RDX: variants seen among roughly 807,000 people sequenced by gnomAD.
RDX encodes the protein deafness, autosomal recessive 24.
In RDX, 32 loss-of-function variants were observed where a neutral mutation model predicts 83.7. That is an observed-to-expected ratio of 0.38 (90% confidence interval 0.29 to 0.51). The LOEUF (loss-of-function observed/expected upper bound fraction) is 0.51, where lower values mean the gene tolerates loss of function less well. RDX is among the 20% of genes least tolerant of loss of function. The probability of loss-of-function intolerance (pLI) is 0.87; values close to 1 mark genes in which losing one functional copy is unlikely to be tolerated. For synonymous variants in RDX, 229 were observed against 222.7 expected (o/e 1.03, Z -0.25); for missense variants, 600 against 689.9 (o/e 0.87, Z 1.46).
intron 10 of RDX, among the ~76,000 whole-genome samples, chr11:110,244,363 C>CA (rs71053874): frequency 0.026 from 1,336 of 51,186 alleles, 94 homozygotes; most frequent in Middle Eastern, 0.069. Context: ...GATTCTGGCT[C>CA]AAAAAAAAAA....
At chr11:110,274,645 C>A (rs536989109) in intron 2 of RDX, among the ~76,000 whole-genome samples, 1 of 128,250 alleles carries the variant, frequency 7.8e-6, no homozygotes. Context: ...TTACTACACA[C>A]TTCTCATATA....
At position 110,213,090 on chromosome 11, in the gene RDX, T is replaced by C. The variant is rs200858927; in HGVS notation, c.1749-13412A>G. Among the ~76,000 whole-genome samples the C allele has an allele frequency of 0.012, 1,746 of 151,790 alleles. 58 individuals are homozygous for C. The East Asian group carries it at 0.12, about 10-fold the overall frequency. ...ATGATTGTATATCTAGAAAACCCCA[T>C]TGTCTCAGCCCCAAATCTCCTTAAG... On this transcript the variant is annotated intron_variant, in intron 14 of 15. Coordinates refer to the RDX transcript ENST00000528498.
At position 110,264,860 on chromosome 11, in the gene RDX, A is replaced by C. The variant is rs754388726; in HGVS notation, c.111T>G (p.Val37=). 6.2e-7 allele frequency: 1 copy of C among 1,613,816 alleles called. No homozygotes were observed. Among genetic ancestry groups the C allele is most frequent in the African/African-American group, 1.3e-5 (1 of 75,036 alleles). ...KQLFDQVVKT[V]GLREVWFFGL... is the part of the protein sequence containing the mutation. ...CAAAAAACCAGACCTCACGCAAACC[A>C]ACTGTTTTCACCACCTAAAACACAA... is the stretch of plus-strand genomic sequence containing the variant. Residue 37 remains valine (V), a synonymous_variant, in exon 4 of 14, where the codon GTT becomes GTG. Transcript: ENST00000645495.
chr11:110,194,598 A>G lies in RDX; in HGVS notation c.*31+4983T>C, dbSNP rs146459214. Among the ~76,000 whole-genome samples, 1,433 of 152,330 alleles carry G rather than the reference A, an allele frequency of 9.4e-3. 30 individuals carry two copies. Among genetic ancestry groups the G allele is most frequent in the African/African-American group, 0.033 (1,363 of 41,580 alleles). ...TTATGCCAACTTCCACTTATAATCA[A>G]GGAGAGGACTGAGAAACCATAATTT... is the stretch of plus-strand genomic sequence containing the variant. On this transcript the variant is annotated intron_variant, in intron 15 of 15. Coordinates refer to the RDX transcript ENST00000528498.
chr11:110,242,012 G>A (rs1865117215), intron 10 of RDX, among the ~76,000 whole-genome samples: 1 of 152,152 alleles, frequency 6.6e-6, no homozygotes, highest in South Asian at 2.1e-4. Flanking sequence ...TGGTTGCCAG[G>A]GGTTGTGGGG....
At chr11:110,177,685 T>C (rs1364913722) in intron 15 of RDX, among the ~76,000 whole-genome samples, 1 of 152,020 alleles carries the variant, frequency 6.6e-6, no homozygotes, top group Non-Finnish European at 1.5e-5. Context: ...AGGTTTGCCA[T>C]GTTGGCCAGG....
At chr11:110,290,774 G>A (rs1301961951) in intron 1 of RDX, among the ~76,000 whole-genome samples, 1 of 152,172 alleles carries the variant, frequency 6.6e-6, no homozygotes, top group Non-Finnish European at 1.5e-5. Flanking sequence ...TGTTGTAGCA[G>A]GAAAGCAGCC....
intron 14 of RDX, among the ~76,000 whole-genome samples, chr11:110,201,648 G>A (rs79196526): frequency 2.6e-5 from 4 of 152,146 alleles, no homozygotes; most frequent in Non-Finnish European, 5.9e-5. Context: ...TTTGTGAAGC[G>A]GTAAGCCATG....
At chr11:110,198,406 TTAATTCTTC>T (rs1430506173) in intron 15 of RDX, among the ~76,000 whole-genome samples, 1 of 152,228 alleles carries the variant, frequency 6.6e-6, no homozygotes, top group Non-Finnish European at 1.5e-5. Context: ...AACCAATTCT[TTAATTCTTC>T]TGCTCCAGGA....
chr11:110,221,882 C>T lies in RDX; in HGVS notation c.1748+9991G>A, dbSNP rs548435285. Among the ~76,000 whole-genome samples the T allele has an allele frequency of 2.0e-5, 3 of 152,162 alleles. 1 individual carries two copies. The South Asian group carries it at 6.2e-4, about 32-fold the overall frequency. ...TCAATTTGAGTCCAGGACTCAACTC[C>T]CCGATTAACCACAATTTTCTTGGCA... On this transcript the variant is annotated intron_variant, in intron 14 of 15. Coordinates refer to the RDX transcript ENST00000528498.
intron 14 of RDX, among the ~76,000 whole-genome samples, chr11:110,209,762 C>A (rs879750788): frequency 2.9e-4 from 42 of 145,264 alleles, no homozygotes; most frequent in Non-Finnish European, 4.6e-4. Flanking sequence ...CTCCAACAGA[C>A]CTGCAGCTGA....
intron 1 of RDX, among the ~76,000 whole-genome samples, chr11:110,285,396 A>T (rs959661932): frequency 9.3e-5 from 14 of 151,330 alleles, no homozygotes; most frequent in African/African-American, 3.4e-4. Context: ...AAAGAAAATA[A>T]AAGAGAATAT....
chr11:110,194,272 T>C (rs1334990738), intron 15 of RDX, among the ~76,000 whole-genome samples: 1 of 152,196 alleles, frequency 6.6e-6, no homozygotes, highest in African/African-American at 2.4e-5. Flanking sequence ...TAGGCTGGAG[T>C]GCAGTGGCGC....
chr11:110,283,688 C>T (rs1216853457), intron 1 of RDX, among the ~76,000 whole-genome samples: 4 of 151,512 alleles, frequency 2.6e-5, no homozygotes, highest in South Asian at 2.1e-4. Flanking sequence ...AGCAAGACCC[C>T]GTCTCTATGT....
intron 10 of RDX, among the ~76,000 whole-genome samples, chr11:110,240,741 T>A: frequency 1.0e-5 from 1 of 95,936 alleles, no homozygotes; most frequent in African/African-American, 4.8e-5. Flanking sequence ...CAAGACTCCG[T>A]CTCAAAAAAA....
chr11:110,225,893 AAAG>A (rs1245144381), downstream of RDX, among the ~76,000 whole-genome samples: 18 of 149,908 alleles, frequency 1.2e-4, no homozygotes, highest in Admixed American at 2.0e-4. Flanking sequence ...CTAAAAAAAA[AAAG>A]AAGAAGAAAA....
chr11:110,253,831 T>C, intron 9 of RDX, 115 bp downstream of exon 9: 1 of 864,160 alleles, frequency 1.2e-6, no homozygotes, highest in Non-Finnish European at 1.8e-6. Flanking sequence ...TGAATTTTAA[T>C]ATAATGAAAA....
At chr11:110,189,816 G>T (rs1863068758) in intron 15 of RDX, among the ~76,000 whole-genome samples, 1 of 152,224 alleles carries the variant, frequency 6.6e-6, no homozygotes, top group Non-Finnish European at 1.5e-5. Context: ...AGGTGTGGTG[G>T]CTCATGCCTG....
intron 15 of RDX, among the ~76,000 whole-genome samples, chr11:110,192,744 C>T (rs989619112): frequency 3.9e-5 from 6 of 152,046 alleles, no homozygotes; most frequent in Non-Finnish European, 8.8e-5. Context: ...ATACAAGCAA[C>T]GACAAACATA....
Sources: allele counts gnomAD v4.1 joint callset (sites outside exome capture counted in the v4.1 genomes callset), GRCh38; gene constraint gnomAD v4.1.1; transcripts MANE v1.5; gene names NCBI Gene and HGNC (gene_info 2026-07-23, HGNC 2026-07-21).